Variants in NRG3 observed in about 807,000 individuals in gnomAD.
The protein encoded by NRG3 is neuregulin 3, also known as pro-neuregulin-3, membrane-bound isoform.
Under a neutral mutation model 66.9 loss-of-function variants are expected in NRG3, and 31 were observed. That is an observed-to-expected ratio of 0.46 (90% CI 0.35 to 0.63). The LOEUF (loss-of-function observed/expected upper bound fraction) is 0.63. Among genes scored for constraint, NRG3 ranks in the 20% least tolerant of loss-of-function variants. The pLI, the probability that NRG3 is intolerant of heterozygous loss-of-function variation, is 0.00. For missense variants in NRG3, 910 were observed against 878.9 expected (o/e 1.04, Z -0.45); for synonymous variants, 393 against 359.4 (o/e 1.09, Z -1.06).
At chr10:82,251,648 G>A (rs1589470291) in intron 1 of NRG3, among the ~76,000 whole-genome samples, 1 of 152,162 alleles carries the variant, frequency 6.6e-6, no homozygotes, top group African/African-American at 2.4e-5. Context: ...TTTTTTCTAA[G>A]TAGAAATTGA....
chr10:82,473,982 A>G (rs1036622050), intron 2 of NRG3, among the ~76,000 whole-genome samples: 1 of 152,102 alleles, frequency 6.6e-6, no homozygotes, highest in African/African-American at 2.4e-5. Flanking sequence ...ACATTTAAAA[A>G]CTATCATGTA....
rs185981025 is a variant in NRG3, at chr10:82,400,343, A to G, written c.953+41475A>G. On this transcript the variant is annotated intron_variant, in intron 2 of 8. Coordinates refer to ENST00000372141, the MANE Select transcript of NRG3 (RefSeq NM_001010848.4). Reference sequence around the variant, plus strand: ...TACTGTTATTTAAATTGCATAGGTGAGAATATGAATGGTTCCTAAGAACTG... The same window carrying G: ...TACTGTTATTTAAATTGCATAGGTGGGAATATGAATGGTTCCTAAGAACTG... Among the ~76,000 whole-genome samples, 800 of 152,246 alleles carry G rather than the reference A, an allele frequency of 5.3e-3. 1 individual carries two copies. The highest frequency in any genetic ancestry group is 6.6e-3 in the South Asian group (32 of 4,820).
chr10:82,261,327 C>G (rs2078020087), intron 1 of NRG3, among the ~76,000 whole-genome samples: 1 of 152,116 alleles, frequency 6.6e-6, no homozygotes, highest in Non-Finnish European at 1.5e-5. Context: ...TGCCTGCTTC[C>G]CCTTCTGCCA....
intron 3 of NRG3, among the ~76,000 whole-genome samples, chr10:82,810,597 T>C (rs1248412328): frequency 2.0e-5 from 3 of 151,854 alleles, no homozygotes; most frequent in Admixed American, 1.3e-4. Flanking sequence ...ACCCCGTCTC[T>C]ACTAAAAATA....
At chr10:82,736,954 A>C (rs983087365) in intron 2 of NRG3, among the ~76,000 whole-genome samples, 2 of 152,218 alleles carry the variant, frequency 1.3e-5, no homozygotes, top group African/African-American at 4.8e-5. Context: ...ATGAAAATGA[A>C]AGCACCATGG....
chr10:82,744,966 A>T (rs1398569812), intron 3 of NRG3, among the ~76,000 whole-genome samples: 2 of 152,190 alleles, frequency 1.3e-5, no homozygotes, highest in African/African-American at 2.4e-5. Context: ...GCACTGAGAC[A>T]GGTGCTACTA....
chr10:82,052,991 C>T (rs2063669991), intron 1 of NRG3, among the ~76,000 whole-genome samples: 1 of 151,864 alleles, frequency 6.6e-6, no homozygotes, highest in African/African-American at 2.4e-5. Context: ...TTTATTAATT[C>T]ATTATTAATA....
At chr10:82,917,940 G>T (rs2132033461) in intron 4 of NRG3, among the ~76,000 whole-genome samples, 1 of 145,944 alleles carries the variant, frequency 6.9e-6, no homozygotes, top group Middle Eastern at 3.6e-3. Context: ...ACCCCTGTGT[G>T]TATGTGGGAT....
At chr10:82,976,993 T>C (rs375304713) in intron 7 of NRG3, among the ~76,000 whole-genome samples, 1 of 152,138 alleles carries the variant, frequency 6.6e-6, no homozygotes, top group Non-Finnish European at 1.5e-5. Flanking sequence ...ATCACACTTT[T>C]GTATATAGCA....
intron 4 of NRG3, among the ~76,000 whole-genome samples, chr10:82,926,009 T>A (rs1254337265): frequency 6.6e-6 from 1 of 152,140 alleles, no homozygotes; most frequent in African/African-American, 2.4e-5. Context: ...CTAAAAGCCA[T>A]TTATCCACCT....
intron 1 of NRG3, among the ~76,000 whole-genome samples, chr10:81,907,219 A>G (rs1288433425): frequency 6.6e-6 from 1 of 152,212 alleles, no homozygotes; most frequent in Non-Finnish European, 1.5e-5. Context: ...AAACAAAACA[A>G]GTAATAGACT....
intron 1 of NRG3, among the ~76,000 whole-genome samples, chr10:82,190,293 C>A (rs773504373): frequency 2.2e-4 from 33 of 150,744 alleles, no homozygotes; most frequent in Admixed American, 2.0e-3. Flanking sequence ...ACTTTCTAAG[C>A]AGGAAAAAAA....
At chr10:82,976,202 C>T (rs528255797) in intron 7 of NRG3, among the ~76,000 whole-genome samples, 3 of 152,066 alleles carry the variant, frequency 2.0e-5, no homozygotes, top group East Asian at 1.9e-4. Context: ...ACTACAGGCA[C>T]ATGCTACCAT....
chr10:82,357,655 T>C (rs1401992548), intron 1 of NRG3, among the ~76,000 whole-genome samples: 1 of 152,004 alleles, frequency 6.6e-6, no homozygotes. Flanking sequence ...AGCCAACAGT[T>C]CCATCATGGG....
At chr10:82,916,471 G>T (rs1222630563) in intron 4 of NRG3, among the ~76,000 whole-genome samples, 1 of 151,894 alleles carries the variant, frequency 6.6e-6, no homozygotes. Flanking sequence ...AAAAGGTGGG[G>T]GAACAAAAAT....
intron 1 of NRG3, among the ~76,000 whole-genome samples, chr10:82,053,694 C>T (rs2063706132): frequency 6.6e-6 from 1 of 152,204 alleles, no homozygotes; most frequent in South Asian, 2.1e-4. Flanking sequence ...TTGGAGGAAA[C>T]TGATAGTAAT....
chr10:82,636,435 G>A (rs2050203071), intron 2 of NRG3, among the ~76,000 whole-genome samples: 1 of 152,086 alleles, frequency 6.6e-6, no homozygotes, highest in Non-Finnish European at 1.5e-5. Flanking sequence ...AGCCAAGCCT[G>A]GAATGTCTTT....
At chr10:82,648,835 G>A (rs910310277) in intron 2 of NRG3, among the ~76,000 whole-genome samples, 2 of 152,160 alleles carry the variant, frequency 1.3e-5, no homozygotes, top group South Asian at 4.1e-4. Context: ...GAGAATGCTT[G>A]TGATTTTTGT....
chr10:82,221,636 T>C (rs2075950905), intron 1 of NRG3, among the ~76,000 whole-genome samples: 3 of 152,112 alleles, frequency 2.0e-5, no homozygotes, highest in African/African-American at 7.2e-5. Context: ...AAGCAGTCTG[T>C]ATTAAAAACA....
Sources: gnomAD v4.1 joint callset for allele counts (sites outside exome capture counted in the v4.1 genomes callset) on GRCh38, gnomAD v4.1.1 for gene constraint, MANE v1.5 for transcripts, NCBI Gene and HGNC (gene_info 2026-07-23, HGNC 2026-07-21) for gene names.